ACSS3: variants seen among roughly 807,000 people sequenced by gnomAD.
ACSS3 encodes the protein acyl-CoA synthetase short-chain family member 3, mitochondrial.
ACSS3 carries 64 observed loss-of-function variants against 84.2 expected under a neutral mutation model. The ratio of observed to expected loss-of-function variants is 0.76; its 90% CI spans 0.62 to 0.94. ACSS3 has a LOEUF of 0.94. Among genes scored for constraint, ACSS3 ranks in the 40% least tolerant of loss-of-function variants. The probability of loss-of-function intolerance (pLI) is 0.00; values close to 1 mark genes in which losing one functional copy is unlikely to be tolerated. For synonymous variants in ACSS3, 317 were observed against 310.1 expected, an observed-to-expected ratio of 1.02 and a Z score of -0.23; for missense variants, 815 against 867.6, an observed-to-expected ratio of 0.94 and a Z score of 0.76.
At chr12:81,124,246 T>C (rs1225229390) in intron 2 of ACSS3, among the ~76,000 whole-genome samples, 3 of 152,196 alleles carry the variant, frequency 2.0e-5, no homozygotes, top group Admixed American at 2.0e-4. Context: ...ATTAGTTATG[T>C]TGAGCACTTT....
intron 1 of ACSS3, among the ~76,000 whole-genome samples, chr12:81,085,927 A>G (rs1460028153): frequency 1.3e-5 from 2 of 152,124 alleles, no homozygotes; most frequent in African/African-American, 4.8e-5. Context: ...AATGTTTCAA[A>G]GGGAAAAAAA....
At chr12:81,206,463 A>G (rs1172580797) in intron 9 of ACSS3, among the ~76,000 whole-genome samples, 1 of 152,164 alleles carries the variant, frequency 6.6e-6, no homozygotes, top group African/African-American at 2.4e-5. Context: ...TCACAATTTA[A>G]TGGTCAGAAA....
intron 1 of ACSS3, among the ~76,000 whole-genome samples, chr12:81,084,670 GA>G (rs200284266): frequency 2.7e-4 from 40 of 150,068 alleles, no homozygotes; most frequent in Admixed American, 7.3e-4. Flanking sequence ...AAAAGTGGGA[GA>G]AAAAAAAACT....
chr12:81,213,059 C>T (rs1405222361), intron 9 of ACSS3, among the ~76,000 whole-genome samples: 1 of 152,164 alleles, frequency 6.6e-6, no homozygotes, highest in Non-Finnish European at 1.5e-5. Context: ...TGCTCTTCTA[C>T]AAAGAGAATG....
At chr12:81,192,384 A>C (rs2031618960) in intron 8 of ACSS3, among the ~76,000 whole-genome samples, 1 of 152,080 alleles carries the variant, frequency 6.6e-6, no homozygotes. Context: ...CATCTCAGGA[A>C]AAAAGCAAAC....
intron 13 of ACSS3, among the ~76,000 whole-genome samples, chr12:81,246,765 T>C (rs1386566258): frequency 1.3e-5 from 2 of 152,164 alleles, no homozygotes; most frequent in Admixed American, 1.3e-4. Flanking sequence ...GTGATCAGAG[T>C]ATGCAGAGTC....
intron 3 of ACSS3, among the ~76,000 whole-genome samples, chr12:81,137,363 A>ACACACACC (rs990972624): frequency 4.2e-5 from 6 of 142,844 alleles, no homozygotes; most frequent in African/African-American, 1.5e-4. Context: ...ACACACACAC[A>ACACACACC]CCCCTAATAC....
At chr12:81,092,340 T>C (rs1881724542) in intron 1 of ACSS3, among the ~76,000 whole-genome samples, 2 of 152,130 alleles carry the variant, frequency 1.3e-5, no homozygotes, top group Admixed American at 1.3e-4. Flanking sequence ...ATTTTGCTTA[T>C]AGTAAAATAG....
At chr12:81,102,695 G>A (rs982992061) in intron 1 of ACSS3, among the ~76,000 whole-genome samples, 1 of 151,896 alleles carries the variant, frequency 6.6e-6, no homozygotes, top group African/African-American at 2.4e-5. Flanking sequence ...TGGGTTTGAT[G>A]GTGCACACCT....
intron 11 of ACSS3, among the ~76,000 whole-genome samples, chr12:81,222,122 T>A (rs1404056971): frequency 6.6e-6 from 1 of 152,112 alleles, no homozygotes; most frequent in Non-Finnish European, 1.5e-5. Flanking sequence ...TGGTTTAGAT[T>A]GTCACCAATT....
At chr12:81,223,905 G>A (rs999541685) in intron 11 of ACSS3, among the ~76,000 whole-genome samples, 11 of 151,848 alleles carry the variant, frequency 7.2e-5, no homozygotes, top group Non-Finnish European at 1.0e-4. Context: ...GTAATATTTC[G>A]ATTGGCCAGG....
intron 1 of ACSS3, among the ~76,000 whole-genome samples, chr12:81,088,463 G>C (rs7300635): frequency 0.32 from 48,171 of 151,682 alleles, 7,977 homozygotes; most frequent in Admixed American, 0.44. Flanking sequence ...TTTATTATCT[G>C]TTATCATAAA....
chr12:81,106,076 G>A (rs1882971488), intron 1 of ACSS3, among the ~76,000 whole-genome samples: 1 of 152,154 alleles, frequency 6.6e-6, no homozygotes, highest in South Asian at 2.1e-4. Context: ...TCTAAAGCAG[G>A]GGTCCCCAAC....
chr12:81,166,916 A>G (rs981995035), intron 7 of ACSS3, among the ~76,000 whole-genome samples: 8 of 152,244 alleles, frequency 5.3e-5, no homozygotes, highest in Non-Finnish European at 8.8e-5. Context: ...TGCTTGCAGC[A>G]AAGTCTCATT....
chr12:81,219,601 G>C (rs868812405), intron 10 of ACSS3, among the ~76,000 whole-genome samples: 2 of 152,038 alleles, frequency 1.3e-5, no homozygotes, highest in Middle Eastern at 3.4e-3. Context: ...CAGAATAAGG[G>C]GTTTTTGGTG....
At position 81,134,908 on chromosome 12, in the gene ACSS3, T is replaced by A; in HGVS notation, c.549T>A (p.Tyr183Ter). 6.2e-7 allele frequency: 1 copy of A among 1,607,812 alleles called. No individual in the cohort carries two copies. The highest frequency in any genetic ancestry group is 8.5e-7 in the Non-Finnish European group (1 of 1,176,704). The change falls in exon 3 of 16, where the codon TAT (tyrosine) becomes TAA (stop). Residue 183 changes from tyrosine to a stop codon, truncating the protein, a stop_gained. Coordinates refer to ENST00000548058, the MANE Select transcript of ACSS3 (RefSeq NM_024560.4). LOFTEE classifies it high-confidence loss of function. Reference protein sequence around the residue: ...IYMPMIPQAMYTMLACARIGA... With the variant: ...IYMPMIPQAM ...TGCCTATGATCCCACAGGCGATGTA[T>A]ACCATGTTGGCATGTGCAAGGATAG...
At chr12:81,172,315 A>G (rs956830612) in intron 7 of ACSS3, among the ~76,000 whole-genome samples, 3 of 148,886 alleles carry the variant, frequency 2.0e-5, no homozygotes, top group South Asian at 2.1e-4. Context: ...TAGTGTAACA[A>G]TGGACTGCTA....
chr12:81,078,459 C>A, intron 1 of ACSS3, 28 bp downstream of exon 1: 1 of 1,605,780 alleles, frequency 6.2e-7, no homozygotes, highest in Non-Finnish European at 8.5e-7. Context: ...CAACCCTGAT[C>A]CCCCATCCCT....
At chr12:81,101,836 CT>C (rs149332414) in intron 1 of ACSS3, among the ~76,000 whole-genome samples, 30 of 150,942 alleles carry the variant, frequency 2.0e-4, no homozygotes, top group East Asian at 5.8e-4. Context: ...GGTTGAGCAT[CT>C]TTTTTTTTAT....
Sources: allele counts gnomAD v4.1 joint callset (sites outside exome capture counted in the v4.1 genomes callset), GRCh38; gene constraint gnomAD v4.1.1; transcripts MANE v1.5; gene names NCBI Gene and HGNC (gene_info 2026-07-23, HGNC 2026-07-21).